Variants in XDH observed in about 807,000 individuals in gnomAD.
XDH encodes xanthine dehydrogenase/oxidase.
A neutral mutation model predicts 156.1 loss-of-function variants in XDH; 138 were observed. That is an observed-to-expected ratio of 0.88 (90% CI 0.77 to 1.02). XDH has a LOEUF of 1.02. Ranked by LOEUF, XDH falls within the 50% of genes least tolerant of loss-of-function variation. The pLI, the probability that XDH is intolerant of heterozygous loss-of-function variation, is 0.00. For synonymous variants in XDH, 669 were observed against 625.7 expected (o/e 1.07, Z -1.03); for missense variants, 1,849 against 1,684.9 (o/e 1.10, Z -1.71).
At chr2:31,340,097 G>A (rs1004072943) in intron 33 of XDH, among the ~76,000 whole-genome samples, 4 of 152,196 alleles carry the variant, frequency 2.6e-5, no homozygotes, top group Admixed American at 6.5e-5. Flanking sequence ...CTGGGAGAAA[G>A]TGCCCCCACT....
At chr2:31,343,425 GT>G (rs764483699) in intron 31 of XDH, among the ~76,000 whole-genome samples, 43 of 139,420 alleles carry the variant, frequency 3.1e-4, no homozygotes, top group Non-Finnish European at 5.1e-4. Flanking sequence ...GCATAGAAAT[GT>G]TTTTTTGTGT....
At chr2:31,374,603 G>A (rs1686176131) in intron 15 of XDH, among the ~76,000 whole-genome samples, 1 of 152,152 alleles carries the variant, frequency 6.6e-6, no homozygotes. Context: ...GAGAGTAAGA[G>A]TAATTTTAGG....
intron 23 of XDH, among the ~76,000 whole-genome samples, chr2:31,364,611 G>T (rs560016208): frequency 6.6e-6 from 1 of 152,176 alleles, no homozygotes; most frequent in East Asian, 1.9e-4. Flanking sequence ...GAAAGATACC[G>T]GACTGTCTCC....
intron 24 of XDH, among the ~76,000 whole-genome samples, chr2:31,353,437 C>T (rs772478844): frequency 6.6e-6 from 1 of 152,014 alleles, no homozygotes; most frequent in African/African-American, 2.4e-5. Context: ...CTCTGGAATT[C>T]TATATATTTA....
At chr2:31,363,715 C>T (rs1685836145) in intron 24 of XDH, among the ~76,000 whole-genome samples, 1 of 152,240 alleles carries the variant, frequency 6.6e-6, no homozygotes, top group East Asian at 1.9e-4. Context: ...GTGTGTACGC[C>T]TCTCAATACC....
intron 1 of XDH, 119 bp from the exon 2 acceptor site, chr2:31,406,083 A>C: frequency 2.6e-6 from 3 of 1,150,438 alleles, no homozygotes; most frequent in Non-Finnish European, 3.9e-6. Context: ...AGTGTGATAT[A>C]GTTTGCACTC....
chr2:31,356,397 G>A (rs1040663774), intron 24 of XDH, among the ~76,000 whole-genome samples: 1 of 152,186 alleles, frequency 6.6e-6, no homozygotes, highest in Non-Finnish European at 1.5e-5. Flanking sequence ...TAAAGTTAAG[G>A]ATCTGGAGAG....
chr2:31,393,363 T>A (rs1005333734), intron 6 of XDH, among the ~76,000 whole-genome samples: 3 of 152,216 alleles, frequency 2.0e-5, no homozygotes, highest in Non-Finnish European at 4.4e-5. Context: ...GAGTATTGAT[T>A]CCTTTATTAT....
At chr2:31,357,259 A>G (rs113165174) in intron 24 of XDH, among the ~76,000 whole-genome samples, 3,159 of 152,334 alleles carry the variant, frequency 0.021, 103 homozygotes, top group African/African-American at 0.072. Flanking sequence ...AGCAGAAATC[A>G]GTGAAATTGA....
At chr2:31,376,540 T>C (rs769607692) in intron 14 of XDH, among the ~76,000 whole-genome samples, 1 of 149,400 alleles carries the variant, frequency 6.7e-6, no homozygotes. Context: ...GCAGTAATAG[T>C]AGTAGTAGTA....
intron 1 of XDH, among the ~76,000 whole-genome samples, chr2:31,406,639 C>G (rs563935132): frequency 3.7e-4 from 56 of 152,342 alleles, no homozygotes; most frequent in African/African-American, 1.3e-3. Flanking sequence ...AGGCATTGCA[C>G]CTTCCACGCT....
At chr2:31,390,967 C>T (rs908480224) in intron 6 of XDH, among the ~76,000 whole-genome samples, 3 of 152,112 alleles carry the variant, frequency 2.0e-5, no homozygotes, top group East Asian at 3.8e-4. Flanking sequence ...CCTCATTCAT[C>T]GTTATTAAAT....
chr2:31,386,346 T>C lies in XDH; in HGVS notation c.793+68A>G, dbSNP rs569558423. On this transcript the variant is annotated intron_variant, in intron 9 of 35. Coordinates refer to ENST00000379416, the MANE Select transcript of XDH (RefSeq NM_000379.4). ...AAGTAAAGTCAGGGGGAGGTGAGGA[T>C]GGGCAAGAGGACCTAGAAACACCCC... The C allele has an allele frequency of 2.4e-4, 391 of 1,596,140 alleles. 9 individuals carry two copies. The Admixed American group carries it at 6.3e-3, about 26-fold the overall frequency.
chr2:31,370,251 T>A (rs902868423), intron 18 of XDH, 104 bp downstream of exon 18: 7 of 1,374,114 alleles, frequency 5.1e-6, no homozygotes, highest in Non-Finnish European at 7.1e-6. Flanking sequence ...CCATAATCCA[T>A]GCAAATGTAT....
chr2:31,387,548 C>T (rs1686643831), intron 8 of XDH, among the ~76,000 whole-genome samples: 3 of 152,126 alleles, frequency 2.0e-5, no homozygotes, highest in South Asian at 2.1e-4. Context: ...AGTCCCTATC[C>T]TCATGGGGCT....
At position 31,375,391 on chromosome 2, in the gene XDH, T is replaced by C. The variant is rs887221082; in HGVS notation, c.1591A>G (p.Asn531Asp). ...LTVLQKLGQE[N>D]LEDKCGKLDP... Reference sequence around the variant, plus strand: ...CAGGCCCCACTCACGTCTTCCAGGTTCTCTTGGCCCAGCTTCTGAAGGACT... The same window carrying C: ...CAGGCCCCACTCACGTCTTCCAGGTCCTCTTGGCCCAGCTTCTGAAGGACT... Residue 531 changes from asparagine to aspartate, a missense_variant, in exon 15 of 36, where the codon AAC becomes GAC. Asn to Asp is a conservative substitution (Grantham distance 23, BLOSUM62 1). Coordinates refer to ENST00000379416, the MANE Select transcript of XDH (RefSeq NM_000379.4). 2 of 1,614,156 alleles carry C rather than the reference T, an allele frequency of 1.2e-6. No homozygotes were observed. The highest frequency in any genetic ancestry group is 1.7e-6 in the Non-Finnish European group (2 of 1,180,036).
At chr2:31,360,129 G>A (rs1256066749) in intron 24 of XDH, among the ~76,000 whole-genome samples, 3 of 152,308 alleles carry the variant, frequency 2.0e-5, no homozygotes, top group Non-Finnish European at 4.4e-5. Flanking sequence ...TTCACTTTCC[G>A]TAGTTTGTTA....
intron 24 of XDH, 43 bp downstream of exon 24, chr2:31,364,115 G>T: frequency 6.2e-7 from 1 of 1,605,370 alleles, no homozygotes; most frequent in African/African-American, 1.3e-5. Context: ...GGCTGACCTC[G>T]AAGTCAGCTC....
intron 9 of XDH, chr2:31,384,119 A>AGTGTGTTAGTGTGTGTGTGTGT (rs1553310580): frequency 7.4e-6 from 2 of 270,522 alleles, no homozygotes; most frequent in African/African-American, 4.9e-5. Flanking sequence ...AATTCACTCT[A>AGTGTGTTAGTGTGTGTGTGTGT]GTGTGTGTGT....
Sources: allele counts gnomAD v4.1 joint callset (sites outside exome capture counted in the v4.1 genomes callset), GRCh38; gene constraint gnomAD v4.1.1; transcripts MANE v1.5; gene names NCBI Gene and HGNC (gene_info 2026-07-23, HGNC 2026-07-21).